IMMP2L: variants seen among roughly 807,000 people sequenced by gnomAD.
The protein encoded by IMMP2L is inner mitochondrial membrane peptidase subunit 2.
Under a neutral mutation model 19.3 loss-of-function variants are expected in IMMP2L, and 18 were observed. That is an observed-to-expected ratio of 0.93 (90% CI 0.64 to 1.38). The LOEUF is 1.38. Among genes scored for constraint, IMMP2L ranks in the 40% most tolerant of loss-of-function variants. The pLI is 0.00. For missense variants in IMMP2L, 233 were observed against 218.2 expected (o/e 1.07, Z -0.43); for synonymous variants, 76 against 73.0 (o/e 1.04, Z -0.21).
chr7:111,464,453 G>T (rs1019973098), intron 3 of IMMP2L, among the ~76,000 whole-genome samples: 4 of 152,118 alleles, frequency 2.6e-5, no homozygotes, highest in African/African-American at 4.8e-5. Flanking sequence ...ACTGCACTCT[G>T]CCTGGGCAAC....
chr7:111,327,295 A>G (rs1360789427), intron 3 of IMMP2L, among the ~76,000 whole-genome samples: 1 of 151,816 alleles, frequency 6.6e-6, no homozygotes, highest in Non-Finnish European at 1.5e-5. Context: ...CAAGATAATA[A>G]TTCTTAAAAT....
In IMMP2L at chr7:110,678,004, T is replaced by C. The variant is rs1792440232; in HGVS notation, c.409-14283A>G. Among the ~76,000 whole-genome samples, 2 of 152,196 alleles carry C rather than the reference T, an allele frequency of 1.3e-5. 1 individual carries two copies. The highest frequency in any genetic ancestry group is 4.1e-4 in the South Asian group (2 of 4,832). On this transcript the variant is annotated intron_variant, in intron 5 of 5. Coordinates refer to ENST00000405709, the MANE Select transcript of IMMP2L (RefSeq NM_032549.4). Reference sequence around the variant, plus strand: ...TGCAGAAAGACCCAGCATCATTTTCTTCATCCTCCCTGAACTCACAAGAGT... The same window carrying C: ...TGCAGAAAGACCCAGCATCATTTTCCTCATCCTCCCTGAACTCACAAGAGT...
rs147788856 is a variant in IMMP2L at position 111,304,670 on chromosome 7, A to ATGTGTGTGTG, written c.239+182558_239+182567dup. On this transcript the variant is annotated intron_variant, in intron 3 of 5. Coordinates refer to ENST00000405709, the MANE Select transcript of IMMP2L (RefSeq NM_032549.4). ...GGGTGTTTATACATACACATATATA[A>ATGTGTGTGTG]TGTGTGTGTGTGTGTGTGTGTGTGT... 6.6e-3 allele frequency among the ~76,000 whole-genome samples: 834 copies of ATGTGTGTGTG among 126,028 alleles called. 10 individuals are homozygous for ATGTGTGTGTG. The highest frequency in any genetic ancestry group is 0.025 in the East Asian group (100 of 3,992). 82.7% of individuals were successfully genotyped at this position (126,028 alleles called of 152,430 possible).
chr7:111,264,684 C>A (rs564539818), intron 3 of IMMP2L, among the ~76,000 whole-genome samples: 1 of 151,164 alleles, frequency 6.6e-6, no homozygotes, highest in Non-Finnish European at 1.5e-5. Flanking sequence ...GGAAAATGCA[C>A]GGCCAACTGG....
chr7:111,377,426 T>G (rs371723377), intron 3 of IMMP2L, among the ~76,000 whole-genome samples: 1 of 151,964 alleles, frequency 6.6e-6, no homozygotes, highest in Admixed American at 6.6e-5. Flanking sequence ...CTCTATAGTA[T>G]AGTATCCCTC....
At chr7:110,780,620 C>A (rs974839611) in intron 5 of IMMP2L, among the ~76,000 whole-genome samples, 3 of 151,732 alleles carry the variant, frequency 2.0e-5, no homozygotes, top group Non-Finnish European at 4.4e-5. Context: ...TGCCAACTCA[C>A]CTCTATGTTC....
chr7:111,436,155 G>C (rs894206546), intron 3 of IMMP2L, among the ~76,000 whole-genome samples: 2 of 151,654 alleles, frequency 1.3e-5, no homozygotes, highest in Non-Finnish European at 2.9e-5. Flanking sequence ...GCAGTCCAAT[G>C]GCGGAGGCTG....
At chr7:111,229,671 T>C (rs1436695728) in intron 3 of IMMP2L, among the ~76,000 whole-genome samples, 8 of 151,932 alleles carry the variant, frequency 5.3e-5, no homozygotes, top group African/African-American at 1.9e-4. Context: ...TAGTGAAGAA[T>C]TTCCAGGACA....
intron 5 of IMMP2L, among the ~76,000 whole-genome samples, chr7:110,792,684 A>G (rs575830187): frequency 2.6e-5 from 4 of 152,080 alleles, no homozygotes; most frequent in East Asian, 1.9e-4. Flanking sequence ...ACACATCATT[A>G]TCTCCCAAAG....
rs145397455 is a variant in IMMP2L, at chr7:111,382,719, G to C, written c.239+104519C>G. ...CTGAGGAACTGGGAGAGAAGACCTAGAACACAGATGGACAGGCAAACCTGA... is the reference window on the plus strand; with the variant it reads ...CTGAGGAACTGGGAGAGAAGACCTACAACACAGATGGACAGGCAAACCTGA... On this transcript the variant is annotated intron_variant, in intron 3 of 5. Transcript: ENST00000405709. 4.1e-3 allele frequency among the ~76,000 whole-genome samples: 623 copies of C among 152,158 alleles called. 4 individuals are homozygous for C. The highest frequency in any genetic ancestry group is 0.014 in the African/African-American group (572 of 41,530).
chr7:110,690,061 T>C (rs1052873883), intron 5 of IMMP2L, among the ~76,000 whole-genome samples: 17 of 152,218 alleles, frequency 1.1e-4, no homozygotes, highest in African/African-American at 4.1e-4. Context: ...GTTTGCTGCT[T>C]AGCCTTTCAC....
chr7:111,131,874 C>A (rs1586487304), intron 3 of IMMP2L, among the ~76,000 whole-genome samples: 1 of 150,816 alleles, frequency 6.6e-6, no homozygotes, highest in South Asian at 2.1e-4. Context: ...TAACATAGAG[C>A]AAAAAAATAA....
At chr7:110,761,809 T>C (rs1352032841) in intron 5 of IMMP2L, among the ~76,000 whole-genome samples, 2 of 152,214 alleles carry the variant, frequency 1.3e-5, no homozygotes, top group Non-Finnish European at 2.9e-5. Flanking sequence ...ATCTATGCCA[T>C]GCTGAGTATA....
chr7:111,174,795 T>G (rs960126312), intron 3 of IMMP2L, among the ~76,000 whole-genome samples: 3 of 151,786 alleles, frequency 2.0e-5, no homozygotes, highest in Non-Finnish European at 4.4e-5. Flanking sequence ...AAATCAATAC[T>G]TGTGCAGTAA....
intron 1 of IMMP2L, among the ~76,000 whole-genome samples, chr7:111,535,004 G>C (rs1847754862): frequency 6.6e-6 from 1 of 152,166 alleles, no homozygotes; most frequent in African/African-American, 2.4e-5. Context: ...TTCAAGCTAA[G>C]ACTGATGTGA....
intron 3 of IMMP2L, among the ~76,000 whole-genome samples, chr7:111,402,305 A>G (rs912794311): frequency 6.6e-6 from 1 of 152,018 alleles, no homozygotes; most frequent in Non-Finnish European, 1.5e-5. Flanking sequence ...TCCCAGCAAT[A>G]TCAAGTTTCC....
intron 4 of IMMP2L, among the ~76,000 whole-genome samples, chr7:110,932,427 C>T (rs1317526327): frequency 6.6e-6 from 1 of 152,038 alleles, no homozygotes; most frequent in Admixed American, 6.6e-5. Context: ...GATCTCAGCT[C>T]ACTGCAAGCT....
intron 3 of IMMP2L, among the ~76,000 whole-genome samples, chr7:111,396,631 C>T (rs1442139883): frequency 3.3e-5 from 5 of 151,752 alleles, no homozygotes; most frequent in African/African-American, 4.8e-5. Flanking sequence ...CAAACCCGTA[C>T]GTTTTGCATA....
intron 5 of IMMP2L, among the ~76,000 whole-genome samples, chr7:110,812,297 CTA>C (rs1459626344): frequency 2.6e-5 from 4 of 151,530 alleles, no homozygotes; most frequent in Non-Finnish European, 3.0e-5. Flanking sequence ...CCATAGCAGA[CTA>C]TGAGGGTAGA....
Sources: allele counts gnomAD v4.1 joint callset (sites outside exome capture counted in the v4.1 genomes callset), GRCh38; gene constraint gnomAD v4.1.1; transcripts MANE v1.5; gene names NCBI Gene and HGNC (gene_info 2026-07-23, HGNC 2026-07-21).